The following DUSP2 variants were observed in gnomAD, a reference collection of about 807,000 sequenced individuals.
DUSP2 encodes dual specificity phosphatase 2.
In DUSP2, 20 loss-of-function variants were observed where a neutral mutation model predicts 23.3. The ratio of observed to expected loss-of-function variants is 0.86; its 90% CI spans 0.60 to 1.25. DUSP2 has a LOEUF of 1.25. Ranked by LOEUF, DUSP2 falls within the 50% of genes most tolerant of loss-of-function variation. DUSP2 has a pLI of 0.00. For synonymous variants in DUSP2, 231 were observed against 209.7 expected (o/e 1.10, Z -0.88); for missense variants, 435 against 452.6 (o/e 0.96, Z 0.35).
At position 96,145,162 on chromosome 2, in the gene DUSP2, CGGCA is replaced by C; in HGVS notation, c.189_192del (p.Ala64ProfsTer176). On this transcript the variant is annotated frameshift_variant, in exon 1 of 4. Coordinates refer to ENST00000288943, the MANE Select transcript of DUSP2 (RefSeq NM_004418.4). LOFTEE classifies it high-confidence loss of function. ...TCGGGCAGCAGGCAGGCGAGAACGGCGGCAGGAGGGCCGCGCGCGCGGCGCCGCA... is the reference window on the plus strand; with the variant it reads ...TCGGGCAGCAGGCAGGCGAGAACGGCGGAGGGCCGCGCGCGCGGCGCCGCA... 7.6e-7 allele frequency: 1 copy of C among 1,307,500 alleles called. No individual in the cohort carries two copies. The highest frequency in any genetic ancestry group is 9.7e-7 in the Non-Finnish European group (1 of 1,033,920). The allele number at this position is 1,307,500 out of a possible 1,614,324, so 81.0% of individuals were successfully genotyped here.
chr2:96,144,553 C>T, intron 2 of DUSP2, 180 bp from the exon 3 acceptor site: 1 of 731,956 alleles, frequency 1.4e-6, no homozygotes, highest in Middle Eastern at 3.9e-4. Context: ...TCCCTTCATG[C>T]TCCCAACATA....
At chr2:96,144,737 C>A (rs374064287) in intron 2 of DUSP2, 24 bp downstream of exon 2, 1 of 1,527,086 alleles carries the variant, frequency 6.5e-7, no homozygotes. Flanking sequence ...GAGGGAGGTT[C>A]GGGGGAGGGG....
At position 96,145,419 on chromosome 2, in the gene DUSP2, C is replaced by T; in HGVS notation, c.-65G>A. On this transcript the variant is annotated 5_prime_UTR_variant, in exon 1 of 4. Transcript: ENST00000288943. ...GCGTCCCGGGCTCTCGTGGCGGTGGCGCTGCCCGAGCGGTCGACTCCGGGC... is the reference window on the plus strand; with the variant it reads ...GCGTCCCGGGCTCTCGTGGCGGTGGTGCTGCCCGAGCGGTCGACTCCGGGC... The T allele has an allele frequency of 7.8e-7, 1 of 1,284,256 alleles. No individual in the cohort carries two copies. The highest frequency in any genetic ancestry group is 9.9e-7 in the Non-Finnish European group (1 of 1,012,236). 79.6% of individuals were successfully genotyped at this position (1,284,256 alleles called of 1,614,324 possible).
Position 96,144,725 on chromosome 2 carries a change from G to T in DUSP2, c.510+36C>A, listed in dbSNP as rs1302368184. On this transcript the variant is annotated intron_variant, in intron 2 of 3. Transcript: ENST00000288943. ...AGAGGCGCCCAGTCCGCGGCGGGGA[G>T]AGAGGGAGGTTCGGGGGAGGGGGGT... The T allele has an allele frequency of 3.3e-6, 5 of 1,506,642 alleles. No individual in the cohort carries two copies. The African/African-American group carries it at 6.9e-5, about 21-fold the overall frequency. 93.3% of individuals were successfully genotyped at this position (1,506,642 alleles called of 1,614,324 possible). A position where few individuals can be genotyped will look rare whatever the true frequency, so the allele number is the denominator to read the frequency against.
Position 96,143,596 on chromosome 2 carries a change from T to TC in DUSP2, c.*226dup. ...GGGAAAGAGCAGACACACCCTTGGTTCCCGACCCCGAATGAGGGCCAGCCT... is the reference window on the plus strand; with the variant it reads ...GGGAAAGAGCAGACACACCCTTGGTTCCCCGACCCCGAATGAGGGCCAGCCT... On this transcript the variant is annotated 3_prime_UTR_variant, in exon 4 of 4. Coordinates refer to ENST00000288943, the MANE Select transcript of DUSP2 (RefSeq NM_004418.4). The TC allele has an allele frequency of 1.7e-6, 1 of 592,178 alleles. No individual in the cohort carries two copies. The highest frequency in any genetic ancestry group is 1.9e-5 in the African/African-American group (1 of 53,570). 36.7% of individuals were successfully genotyped at this position (592,178 alleles called of 1,614,324 possible).
At position 96,145,161 on chromosome 2, in the gene DUSP2, G is replaced by A; in HGVS notation, c.194C>T (p.Ala65Val). 7.6e-7 allele frequency: 1 copy of A among 1,308,006 alleles called. No homozygotes were observed. Among genetic ancestry groups the A allele is most frequent in the Non-Finnish European group, 9.7e-7 (1 of 1,034,208 alleles). The allele number at this position is 1,308,006 out of a possible 1,614,324, so 81.0% of individuals were successfully genotyped here. A position where few individuals can be genotyped will look rare whatever the true frequency, so the allele number is the denominator to read the frequency against. ...GTCGGGCAGCAGGCAGGCGAGAACG[G>A]CGGCAGGAGGGCCGCGCGCGCGGCG... ...LRRRARGPPAAVLACLLPDRA... is the reference protein window; with the variant it reads ...LRRRARGPPAVVLACLLPDRA... Residue 65 changes from alanine (A) to valine (V), a missense_variant, in exon 1 of 4, where the codon GCC (alanine) becomes GTC (valine). By Grantham distance (64) the Ala-to-Val change is moderately conservative. Transcript: ENST00000288943.
Position 96,145,109 on chromosome 2 carries a change from G to T in DUSP2, c.246C>A (p.Arg82=), listed in dbSNP as rs1262004997. ...GCACCACGGCCCGCGCCAGCTCCCC[G>T]CGGACCAGGCGCGTCCGCAGCGCGC... ...PDRALRTRLV[R]GELARAVVLD... is the part of the protein sequence containing the mutation. Residue 82 remains arginine (R), a synonymous_variant, in exon 1 of 4, where the codon CGC becomes CGA. Coordinates refer to ENST00000288943, the MANE Select transcript of DUSP2 (RefSeq NM_004418.4). The T allele has an allele frequency of 1.6e-5, 22 of 1,380,600 alleles. No individual in the cohort carries two copies. The highest frequency in any genetic ancestry group is 9.3e-7 in the Non-Finnish European group (1 of 1,078,342). 85.5% of individuals were successfully genotyped at this position (1,380,600 alleles called of 1,614,324 possible).
chr2:96,144,740 G>C, intron 2 of DUSP2, 21 bp downstream of exon 2: 1 of 1,537,904 alleles, frequency 6.5e-7, no homozygotes, highest in Non-Finnish European at 8.8e-7. Flanking sequence ...GGAGGTTCGG[G>C]GGAGGGGGGT....
chr2:96,145,317 G>T lies in DUSP2; in HGVS notation c.38C>A (p.Ala13Glu), dbSNP rs1425222229. Residue 13 changes from alanine to glutamate, a missense_variant, in exon 1 of 4, where the codon GCG (alanine) becomes GAG (glutamate). Coordinates refer to ENST00000288943, the MANE Select transcript of DUSP2 (RefSeq NM_004418.4). ...LEAARELECA[A>E]LGTLLRDPRE... is the part of the protein sequence containing the mutation. ...CGGATCCCGCAGCAGCGTGCCCAGC[G>T]CCGCGCACTCCAGCTCGCGCGCCGC... 1 of 1,424,848 alleles carries T rather than the reference G, an allele frequency of 7.0e-7. No homozygotes were observed. The highest frequency in any genetic ancestry group is 9.2e-7 in the Non-Finnish European group (1 of 1,091,792). The allele number at this position is 1,424,848 out of a possible 1,614,324, so 88.3% of individuals were successfully genotyped here.
chr2:96,143,821 C>T lies in DUSP2; in HGVS notation c.*2G>A. On this transcript the variant is annotated 3_prime_UTR_variant, in exon 4 of 4. Coordinates refer to ENST00000288943, the MANE Select transcript of DUSP2 (RefSeq NM_004418.4). ...GGGGCAGGCAGGCAGAGGGGCACCA[C>T]CTCAGTGACACAGCACCTGGGTCTC... 6.2e-7 allele frequency: 1 copy of T among 1,612,502 alleles called. No homozygotes were observed. Among genetic ancestry groups the T allele is most frequent in the South Asian group, 1.1e-5 (1 of 91,024 alleles).
At chr2:96,144,702 A>G in intron 2 of DUSP2, 59 bp downstream of exon 2, 1 of 1,437,028 alleles carries the variant, frequency 7.0e-7, no homozygotes, top group Admixed American at 2.4e-5. Flanking sequence ...CTTTCCCTAG[A>G]GGCGCCCAGT....
chr2:96,143,649 C>T lies in DUSP2; in HGVS notation c.*174G>A, dbSNP rs923720004. 3.3e-5 allele frequency: 25 copies of T among 762,144 alleles called. No individual in the cohort carries two copies. Among genetic ancestry groups the T allele is most frequent in the African/African-American group, 1.9e-4 (11 of 56,630 alleles). 47.2% of individuals were successfully genotyped at this position (762,144 alleles called of 1,614,324 possible). On this transcript the variant is annotated 3_prime_UTR_variant, in exon 4 of 4. Coordinates refer to ENST00000288943, the MANE Select transcript of DUSP2 (RefSeq NM_004418.4). ...GTCCCCCAGCAGAAGAGCACCAGGT[C>T]GGAAAGACCAGCATGCCGGCATTCC... is the stretch of plus-strand genomic sequence containing the variant.
In DUSP2 at chr2:96,145,329, A is replaced by G. The variant is rs1437332478; in HGVS notation, c.26T>C (p.Leu9Pro). The G allele has an allele frequency of 2.8e-6, 4 of 1,426,090 alleles. No homozygotes were observed. Among genetic ancestry groups the G allele is most frequent in the Non-Finnish European group, 3.7e-6 (4 of 1,092,416 alleles). 88.3% of individuals were successfully genotyped at this position (1,426,090 alleles called of 1,614,324 possible). Residue 9 changes from leucine (L) to proline (P), a missense_variant, in exon 1 of 4, where the codon CTG becomes CCG. Transcript: ENST00000288943. MGLEAARE[L>P]ECAALGTLLR... ...CAGCGTGCCCAGCGCCGCGCACTCC[A>G]GCTCGCGCGCCGCCTCCAGCCCCAT... is the stretch of plus-strand genomic sequence containing the variant.
intron 2 of DUSP2, 178 bp from the exon 3 acceptor site, chr2:96,144,551 T>G: frequency 5.4e-6 from 4 of 735,366 alleles, no homozygotes; most frequent in South Asian, 1.9e-5. Flanking sequence ...TTTCCCTTCA[T>G]GCTCCCAACA....
At chr2:96,144,939 G>T in intron 1 of DUSP2, 28 bp downstream of exon 1, 1 of 1,548,714 alleles carries the variant, frequency 6.5e-7, no homozygotes, top group Non-Finnish European at 8.7e-7. Context: ...GTCGGGTGGG[G>T]CGGGCCAAGG....
In DUSP2 at chr2:96,144,380, G is replaced by C. The variant is rs922492414; in HGVS notation, c.511-7C>G. On this transcript the variant is annotated splice_region_variant and splice_polypyrimidine_tract_variant and intron_variant, in intron 2 of 3. Coordinates refer to ENST00000288943, the MANE Select transcript of DUSP2 (RefSeq NM_004418.4). ...AGATCTCCACAGGGCCACCCTGGAG[G>C]GAACAGAGGGGCGGTGAGGCCTTTC... 1 of 1,608,956 alleles carries C rather than the reference G, an allele frequency of 6.2e-7. No individual in the cohort carries two copies. Among genetic ancestry groups the C allele is most frequent in the East Asian group, 2.2e-5 (1 of 44,752 alleles).
At position 96,145,250 on chromosome 2, in the gene DUSP2, G is replaced by A. The variant is rs142756095; in HGVS notation, c.105C>T (p.Phe35=). The A allele has an allele frequency of 1.2e-5, 16 of 1,286,998 alleles. No homozygotes were observed. Among genetic ancestry groups the A allele is most frequent in the African/African-American group, 1.5e-5 (1 of 64,670 alleles). The allele number at this position is 1,286,998 out of a possible 1,614,324, so 79.7% of individuals were successfully genotyped here. ...ERTLLLDCRP[F]LAFCRRHVRA... Reference sequence around the variant, plus strand: ...GCACGTGGCGCCGGCAGAAGGCCAGGAAGGGGCGGCAGTCCAGCAGCAGCG... The same window carrying A: ...GCACGTGGCGCCGGCAGAAGGCCAGAAAGGGGCGGCAGTCCAGCAGCAGCG... The change falls in exon 1 of 4, where the codon TTC becomes TTT. Residue 35 remains phenylalanine (F), a synonymous_variant. Coordinates refer to ENST00000288943, the MANE Select transcript of DUSP2 (RefSeq NM_004418.4).
Position 96,145,311 on chromosome 2 carries a change from C to T in DUSP2, c.44G>A (p.Gly15Asp), listed in dbSNP as rs781771035. 22 of 1,419,916 alleles carry T rather than the reference C, an allele frequency of 1.5e-5. No individual in the cohort carries two copies. The highest frequency in any genetic ancestry group is 2.8e-5 in the East Asian group (1 of 35,982). The allele number at this position is 1,419,916 out of a possible 1,614,324, so 88.0% of individuals were successfully genotyped here. ...CTCCCGCGGATCCCGCAGCAGCGTG[C>T]CCAGCGCCGCGCACTCCAGCTCGCG... ...AARELECAAL[G>D]TLLRDPREAE... The change falls in exon 1 of 4, where the codon GGC becomes GAC. Residue 15 changes from glycine to aspartate, a missense_variant. Gly to Asp is a moderately conservative substitution (Grantham distance 94, BLOSUM62 -1). Transcript: ENST00000288943.
intron 2 of DUSP2, 174 bp from the exon 3 acceptor site, chr2:96,144,547 T>G (rs1285351165): frequency 1.3e-6 from 1 of 742,254 alleles, no homozygotes; most frequent in East Asian, 2.7e-5. Flanking sequence ...TACATTTCCC[T>G]TCATGCTCCC....
Sources: gnomAD v4.1 joint callset for allele counts on GRCh38, gnomAD v4.1.1 for gene constraint, MANE v1.5 for transcripts, NCBI Gene and HGNC (gene_info 2026-07-23, HGNC 2026-07-21) for gene names.